The following WIPF3 variants were observed in gnomAD, a reference collection of about 807,000 sequenced individuals.
WIPF3 encodes the protein WAS/WASL interacting protein family member 3.
Under a neutral mutation model 38.9 loss-of-function variants are expected in WIPF3, and 33 were observed. The observed-to-expected ratio is 0.85, with a 90% CI of 0.64 to 1.14. The LOEUF is 1.14. Among genes scored for constraint, WIPF3 ranks in the 50% most tolerant of loss-of-function variants. The pLI is 0.00. For missense variants in WIPF3, 711 were observed against 652.5 expected, an observed-to-expected ratio of 1.09 and a Z score of -0.98; for synonymous variants, 324 against 269.3, an observed-to-expected ratio of 1.20 and a Z score of -1.99.
chr7:29,883,975 G>C lies in WIPF3; in HGVS notation c.481G>C (p.Ala161Pro). The C allele has an allele frequency of 6.5e-7, 1 of 1,539,336 alleles. No individual in the cohort carries two copies. The highest frequency in any genetic ancestry group is 8.8e-7 in the Non-Finnish European group (1 of 1,141,186). ...AGGCAATACCTCCGAGGCGCATGGC[G>C]CTGCCAGGACAGCCCCGCCTCGCCC... ...RLGNTSEAHG[A>P]ARTAPPRPNV... The change falls in exon 5 of 9, where the codon GCT becomes CCT. Residue 161 changes from alanine to proline, a missense_variant. Transcript: ENST00000242140.
intron 8 of WIPF3, chr7:29,904,929 A>C (rs1437739822): frequency 6.5e-6 from 1 of 152,714 alleles, no homozygotes; most frequent in Non-Finnish European, 1.5e-5. Context: ...CTTGAACCGA[A>C]TTATTTCCTA....
intron 2 of WIPF3, among the ~76,000 whole-genome samples, chr7:29,847,567 T>C (rs959735266): frequency 6.6e-6 from 1 of 152,142 alleles, no homozygotes; most frequent in African/African-American, 2.4e-5. Context: ...GGAAATATGA[T>C]TAGACAAAGA....
At chr7:29,854,996 C>T (rs1274695439) in intron 2 of WIPF3, among the ~76,000 whole-genome samples, 2 of 152,184 alleles carry the variant, frequency 1.3e-5, no homozygotes, top group Admixed American at 6.5e-5. Flanking sequence ...GTTTAAGCCA[C>T]TCAGTCTTTG....
intron 2 of WIPF3, among the ~76,000 whole-genome samples, chr7:29,864,615 G>A (rs1369051126): frequency 1.3e-5 from 2 of 152,164 alleles, no homozygotes; most frequent in Non-Finnish European, 2.9e-5. Flanking sequence ...CTTTGTGACC[G>A]AAATACTCTC....
At chr7:29,842,119 G>GA (rs1784923190) in intron 2 of WIPF3, among the ~76,000 whole-genome samples, 1 of 152,228 alleles carries the variant, frequency 6.6e-6, no homozygotes, top group Admixed American at 6.5e-5. Flanking sequence ...GACCAGCTGA[G>GA]AAATTCTTTG....
chr7:29,865,389 A>G (rs1360068171), intron 2 of WIPF3, among the ~76,000 whole-genome samples: 1 of 152,210 alleles, frequency 6.6e-6, no homozygotes, highest in African/African-American at 2.4e-5. Context: ...AGCTCTTTCC[A>G]CTATACCACA....
At chr7:29,824,161 G>A (rs1421761218) in intron 1 of WIPF3, among the ~76,000 whole-genome samples, 1 of 152,088 alleles carries the variant, frequency 6.6e-6, no homozygotes, top group African/African-American at 2.4e-5. Context: ...AGGAAAATAG[G>A]TCCGGGCATG....
Position 29,902,212 on chromosome 7 carries a change from C to A in WIPF3, c.1352-2074C>A, listed in dbSNP as rs557849941. The stretch of plus-strand genomic sequence containing the variant: ...AATCTAAGAACAGTCATTTCCAAGG[C>A]TACCCTCTCACATGGAATTAGACAA... On this transcript the variant is annotated intron_variant, in intron 7 of 8. Coordinates refer to ENST00000242140, the MANE Select transcript of WIPF3 (RefSeq NM_001080529.3). 1.2e-4 allele frequency among the ~76,000 whole-genome samples: 18 copies of A among 149,924 alleles called. No individual in the cohort carries two copies. In the South Asian group the frequency reaches 3.2e-3, roughly 26 times the overall value.
chr7:29,836,583 A>C (rs539685240), intron 2 of WIPF3, among the ~76,000 whole-genome samples: 15 of 152,386 alleles, frequency 9.8e-5, no homozygotes, highest in African/African-American at 3.6e-4. Context: ...TATGTCCAAC[A>C]ATGCTATTTA....
intron 2 of WIPF3, among the ~76,000 whole-genome samples, chr7:29,860,734 A>C (rs953276417): frequency 1.3e-5 from 2 of 152,326 alleles, no homozygotes; most frequent in Middle Eastern, 3.4e-3. Context: ...GAACACAAGA[A>C]ATTGTAGTAG....
intron 6 of WIPF3, among the ~76,000 whole-genome samples, chr7:29,888,510 CGTGT>C (rs1295673715): frequency 8.8e-5 from 13 of 147,804 alleles, no homozygotes; most frequent in Middle Eastern, 3.2e-3. Flanking sequence ...CGTGTGTGTG[CGTGT>C]GTGTGTGTGT....
At chr7:29,851,583 G>C (rs377416983) in intron 2 of WIPF3, among the ~76,000 whole-genome samples, 1 of 152,206 alleles carries the variant, frequency 6.6e-6, no homozygotes, top group African/African-American at 2.4e-5. Context: ...GGCTTGGCCT[G>C]TTTGGCTTAG....
rs1200650463 is a variant in WIPF3, at chr7:29,916,714, A to G, written c.*2198A>G. 7.1e-6 allele frequency: 1 copy of G among 141,360 alleles called. No individual in the cohort carries two copies. The highest frequency in any genetic ancestry group is 1.5e-5 in the Non-Finnish European group (1 of 66,274). The allele number at this position is 141,360 out of a possible 1,614,324, so 8.8% of individuals were successfully genotyped here. ...GGCAACAGAGCGAGACCCTAACTCAAAAAAAAAAAAGGACAGAGGGGAGGA... is the reference window on the plus strand; with the variant it reads ...GGCAACAGAGCGAGACCCTAACTCAGAAAAAAAAAAGGACAGAGGGGAGGA... On this transcript the variant is annotated 3_prime_UTR_variant, in exon 9 of 9. Coordinates refer to ENST00000242140, the MANE Select transcript of WIPF3 (RefSeq NM_001080529.3).
Position 29,889,302 on chromosome 7 carries a change from G to A in WIPF3, c.1250-4G>A. On this transcript the variant is annotated splice_region_variant and splice_polypyrimidine_tract_variant and intron_variant, in intron 6 of 8. Transcript: ENST00000242140. Reference sequence around the variant, plus strand: ...GTAACTCTTTCCATTTCGCTTGTGTGCAGATGACTTCGAGTCTAAATTCAC... The same window carrying A: ...GTAACTCTTTCCATTTCGCTTGTGTACAGATGACTTCGAGTCTAAATTCAC... 6.2e-7 allele frequency: 1 copy of A among 1,612,720 alleles called. No homozygotes were observed. The highest frequency in any genetic ancestry group is 8.5e-7 in the Non-Finnish European group (1 of 1,178,804).
intron 4 of WIPF3, among the ~76,000 whole-genome samples, chr7:29,882,829 A>G (rs1785750283): frequency 1.3e-5 from 2 of 152,294 alleles, no homozygotes; most frequent in Non-Finnish European, 2.9e-5. Context: ...TATAGGGGAA[A>G]ACACCCCCCA....
chr7:29,895,906 G>A (rs4722953), intron 7 of WIPF3, among the ~76,000 whole-genome samples: 107,907 of 152,054 alleles, frequency 0.71, 38,862 homozygotes, highest in South Asian at 0.89. Context: ...GTGGGGACAC[G>A]TATTCAAACT....
intron 1 of WIPF3, among the ~76,000 whole-genome samples, chr7:29,830,888 G>A (rs1784708792): frequency 6.6e-6 from 1 of 152,204 alleles, no homozygotes; most frequent in Admixed American, 6.5e-5. Flanking sequence ...CTTATTACTT[G>A]CAGATTCTAC....
chr7:29,887,949 C>T (rs1785915992), intron 5 of WIPF3, 119 bp from the exon 6 acceptor site: 1 of 1,302,760 alleles, frequency 7.7e-7, no homozygotes, highest in South Asian at 1.5e-5. Context: ...CAGAGGTTGC[C>T]CTTTTACTCG....
rs558825071 is a variant in WIPF3, at chr7:29,883,938, C to T, written c.444C>T (p.Ala148=). The change falls in exon 5 of 9, where the codon GCC becomes GCT. Residue 148 remains alanine (A), a synonymous_variant. Transcript: ENST00000242140. ...TCAGCGGCCCGCTTATCCCGCCTGC[C>T]TCTCCCAGGCTAGGCAATACCTCCG... ...KTISGPLIPP[A]SPRLGNTSEA... 2.3e-5 allele frequency: 37 copies of T among 1,580,556 alleles called. No homozygotes were observed. The Admixed American group carries it at 5.6e-4, about 24-fold the overall frequency.
Sources: gnomAD v4.1 joint callset for allele counts (sites outside exome capture counted in the v4.1 genomes callset) on GRCh38, gnomAD v4.1.1 for gene constraint, MANE v1.5 for transcripts, NCBI Gene and HGNC (gene_info 2026-07-23, HGNC 2026-07-21) for gene names.